SLC22A4: variants seen among roughly 807,000 people sequenced by gnomAD.
The protein encoded by SLC22A4 is solute carrier family 22 member 4, also known as ET transporter.
SLC22A4 carries 39 observed loss-of-function variants against 56.6 expected under a neutral mutation model. The observed-to-expected ratio is 0.69, with a 90% CI of 0.53 to 0.90. The LOEUF (loss-of-function observed/expected upper bound fraction) is 0.90, where lower values mean the gene tolerates loss of function less well. Ranked by LOEUF, SLC22A4 falls within the 40% of genes least tolerant of loss-of-function variation. The pLI, the probability that SLC22A4 is intolerant of heterozygous loss-of-function variation, is 0.00. For synonymous variants in SLC22A4, 241 were observed against 281.4 expected (o/e 0.86, Z 1.44); for missense variants, 594 against 696.5 (o/e 0.85, Z 1.66).
chr5:132,327,297 G>T lies in SLC22A4; in HGVS notation c.845G>T (p.Arg282Leu). 1 of 1,603,330 alleles carries T rather than the reference G, an allele frequency of 6.2e-7. No homozygotes were observed. The highest frequency in any genetic ancestry group is 2.2e-5 in the East Asian group (1 of 44,672). Reference protein sequence around the residue: ...PLWWFIPESPRWLISQRRFRE... With the variant: ...PLWWFIPESPLWLISQRRFRE... ...TATAGGTTCATTCCTGAATCTCCCC[G>T]ATGGCTGATATCCCAGAGAAGATTT... is the stretch of plus-strand genomic sequence containing the variant. The change falls in exon 5 of 10, where the codon CGA (arginine) becomes CTA (leucine). Residue 282 changes from arginine to leucine, a missense_variant. Coordinates refer to ENST00000200652, the MANE Select transcript of SLC22A4 (RefSeq NM_003059.3).
intron 2 of SLC22A4, among the ~76,000 whole-genome samples, chr5:132,312,763 A>G (rs1325114218): frequency 1.3e-5 from 2 of 152,184 alleles, no homozygotes; most frequent in South Asian, 2.1e-4. Context: ...CATAGAGCTT[A>G]CAGGCCTGAG....
intron 1 of SLC22A4, among the ~76,000 whole-genome samples, chr5:132,306,805 G>A (rs913669240): frequency 6.6e-6 from 1 of 151,986 alleles, no homozygotes; most frequent in African/African-American, 2.4e-5. Flanking sequence ...ACTGCACAAT[G>A]ACATGGATGG....
intron 8 of SLC22A4, among the ~76,000 whole-genome samples, chr5:132,340,184 C>T (rs1368686102): frequency 6.9e-6 from 1 of 145,794 alleles, no homozygotes; most frequent in East Asian, 2.1e-4. Flanking sequence ...CAAAACCTAT[C>T]CCTGAAACAT....
intron 1 of SLC22A4, among the ~76,000 whole-genome samples, chr5:132,308,710 T>A (rs981508211): frequency 6.6e-6 from 1 of 152,170 alleles, no homozygotes; most frequent in Non-Finnish European, 1.5e-5. Context: ...GCGGCCCAGC[T>A]AAATGGAGCT....
At chr5:132,340,503 G>A in intron 8 of SLC22A4, 62 bp from the exon 9 acceptor site, 1 of 1,504,146 alleles carries the variant, frequency 6.6e-7, no homozygotes, top group East Asian at 2.3e-5. Flanking sequence ...ACAAAATGAT[G>A]CTCAAGAGTG....
chr5:132,306,692 C>T (rs1447457272), intron 1 of SLC22A4, among the ~76,000 whole-genome samples: 9 of 151,628 alleles, frequency 5.9e-5, no homozygotes, highest in African/African-American at 1.2e-4. Context: ...GTGACCCACC[C>T]GCCTCGGCCT....
chr5:132,312,059 G>A (rs1367369944), intron 1 of SLC22A4, 102 bp from the exon 2 acceptor site: 7 of 800,456 alleles, frequency 8.7e-6, no homozygotes, highest in Admixed American at 1.7e-5. Flanking sequence ...CCCAGGGGAG[G>A]AGAGTCTGCC....
At chr5:132,333,755 G>A (rs925889654) in intron 6 of SLC22A4, among the ~76,000 whole-genome samples, 2 of 151,962 alleles carry the variant, frequency 1.3e-5, no homozygotes, top group African/African-American at 4.8e-5. Context: ...AGAAAAATGG[G>A]GGTACTCAGT....
intron 3 of SLC22A4, 45 bp downstream of exon 3, chr5:132,313,813 T>C (rs756543300): frequency 6.3e-7 from 1 of 1,586,132 alleles, no homozygotes; most frequent in East Asian, 2.2e-5. Context: ...TCTAACCCTC[T>C]GAAAGGCCCA....
intron 4 of SLC22A4, among the ~76,000 whole-genome samples, chr5:132,324,166 C>A (rs1047168650): frequency 2.0e-5 from 3 of 151,920 alleles, no homozygotes; most frequent in Non-Finnish European, 2.9e-5. Context: ...TGCACTCCAG[C>A]CCAGATAGAA....
At chr5:132,342,463 A>T (rs1751248553) in intron 9 of SLC22A4, among the ~76,000 whole-genome samples, 1 of 152,224 alleles carries the variant, frequency 6.6e-6, no homozygotes, top group African/African-American at 2.4e-5. Flanking sequence ...ACGCAAACCA[A>T]TTCTGACACC....
intron 3 of SLC22A4, among the ~76,000 whole-genome samples, chr5:132,315,666 C>G (rs146851695): frequency 5.9e-5 from 9 of 152,308 alleles, no homozygotes; most frequent in Admixed American, 1.3e-4. Flanking sequence ...CATGGAAGAT[C>G]AGTCAAGCCA....
rs57812259 is a variant in SLC22A4, at chr5:132,299,599, TTTTG to T, written c.393+4610_393+4613del. 4.7e-3 allele frequency among the ~76,000 whole-genome samples: 717 copies of T among 151,182 alleles called. 2 individuals are homozygous for T. Among genetic ancestry groups the T allele is most frequent in the Non-Finnish European group, 7.8e-3 (528 of 67,828 alleles). ...GGCCTGCTACCATGCCCGGCTAGTTTTTTGTTTGTTTGTTTGTTTGTTTTTTGTA... is the reference window on the plus strand; with the variant it reads ...GGCCTGCTACCATGCCCGGCTAGTTTTTTGTTTGTTTGTTTGTTTTTTGTA... On this transcript the variant is annotated intron_variant, in intron 1 of 9. Transcript: ENST00000200652.
intron 9 of SLC22A4, among the ~76,000 whole-genome samples, chr5:132,342,985 G>C (rs1398245245): frequency 6.6e-6 from 1 of 152,162 alleles, no homozygotes; most frequent in Non-Finnish European, 1.5e-5. Flanking sequence ...TCTAATCCAG[G>C]CTTAGTCTTC....
chr5:132,319,197 G>A (rs1248657950), intron 3 of SLC22A4, among the ~76,000 whole-genome samples: 1 of 151,716 alleles, frequency 6.6e-6, no homozygotes, highest in African/African-American at 2.4e-5. Flanking sequence ...AGCTACTTGG[G>A]AGGCTGAGGC....
At chr5:132,320,301 G>A (rs1289460744) in intron 3 of SLC22A4, among the ~76,000 whole-genome samples, 4 of 152,224 alleles carry the variant, frequency 2.6e-5, no homozygotes, top group African/African-American at 9.6e-5. Context: ...ATTCTCACTT[G>A]ATCCTGCGCC....
At chr5:132,337,916 T>TG (rs397754549) in intron 8 of SLC22A4, among the ~76,000 whole-genome samples, 1 of 150,904 alleles carries the variant, frequency 6.6e-6, no homozygotes, top group Non-Finnish European at 1.5e-5. Flanking sequence ...TTTTTTTTTT[T>TG]GTATTTTTAG....
chr5:132,305,127 A>G (rs1749994549), intron 1 of SLC22A4, among the ~76,000 whole-genome samples: 1 of 152,186 alleles, frequency 6.6e-6, no homozygotes, highest in Non-Finnish European at 1.5e-5. Flanking sequence ...AAAGTATACA[A>G]TAATTGAAAT....
In SLC22A4 at chr5:132,319,797, G is replaced by C. The variant is rs566949315; in HGVS notation, c.653-2387G>C. Among the ~76,000 whole-genome samples, 5 of 152,216 alleles carry C rather than the reference G, an allele frequency of 3.3e-5. No individual in the cohort carries two copies. In the South Asian group the frequency reaches 8.3e-4, roughly 25 times the overall value. On this transcript the variant is annotated intron_variant, in intron 3 of 9. Transcript: ENST00000200652. ...TAGTAGAGACAGGTTTCATCATATTGGTCAGGCTGGTCTCAAACTCCTGAC... is the reference window on the plus strand; with the variant it reads ...TAGTAGAGACAGGTTTCATCATATTCGTCAGGCTGGTCTCAAACTCCTGAC...
Sources: allele counts gnomAD v4.1 joint callset (sites outside exome capture counted in the v4.1 genomes callset), GRCh38; gene constraint gnomAD v4.1.1; transcripts MANE v1.5; gene names NCBI Gene and HGNC (gene_info 2026-07-23, HGNC 2026-07-21).